The following ANKRD33B variants were observed in gnomAD, a reference collection of about 807,000 sequenced individuals.
ANKRD33B encodes the protein ankyrin repeat domain-containing protein 33B.
Under a neutral mutation model 21.5 loss-of-function variants are expected in ANKRD33B, and 6 were observed. That is an observed-to-expected ratio of 0.28 (90% CI 0.15 to 0.55). ANKRD33B has a LOEUF of 0.55. Ranked by LOEUF, ANKRD33B falls within the 20% of genes least tolerant of loss-of-function variation. The pLI is 0.94. For synonymous variants in ANKRD33B, 347 were observed against 342.4 expected (o/e 1.01, Z -0.15); for missense variants, 698 against 747.2 (o/e 0.93, Z 0.77).
intron 2 of ANKRD33B, among the ~76,000 whole-genome samples, chr5:10,630,870 C>CAAATAAAAA (rs1736693849): frequency 8.4e-6 from 1 of 119,116 alleles, no homozygotes; most frequent in Admixed American, 8.5e-5. Flanking sequence ...GAGACTGTGT[C>CAAATAAAAA]AAAAAAAAAA....
At chr5:10,575,777 A>G (rs1286583748) in intron 1 of ANKRD33B, among the ~76,000 whole-genome samples, 1 of 152,206 alleles carries the variant, frequency 6.6e-6, no homozygotes, top group Non-Finnish European at 1.5e-5. Flanking sequence ...GTATGCTTCC[A>G]TTGACGTCAC....
At chr5:10,585,348 C>T (rs1267166162) in intron 1 of ANKRD33B, among the ~76,000 whole-genome samples, 1 of 152,194 alleles carries the variant, frequency 6.6e-6, no homozygotes, top group East Asian at 1.9e-4. Context: ...AGAGCTGGAA[C>T]CTGAGGTCCC....
At chr5:10,590,319 G>A (rs1369759086) in intron 1 of ANKRD33B, among the ~76,000 whole-genome samples, 1 of 152,212 alleles carries the variant, frequency 6.6e-6, no homozygotes, top group Non-Finnish European at 1.5e-5. Flanking sequence ...TGTCCAGGGA[G>A]GATTTAGTTT....
At chr5:10,594,719 G>T (rs1560967897) in intron 1 of ANKRD33B, among the ~76,000 whole-genome samples, 1 of 152,138 alleles carries the variant, frequency 6.6e-6, no homozygotes, top group Non-Finnish European at 1.5e-5. Context: ...AGAAAATGAG[G>T]TAACAGGAAA....
chr5:10,570,100 C>A (rs962646615), intron 1 of ANKRD33B, among the ~76,000 whole-genome samples: 2 of 152,134 alleles, frequency 1.3e-5, no homozygotes, highest in African/African-American at 4.8e-5. Context: ...TGGTCTCGAA[C>A]TCCTGAGCTC....
intron 3 of ANKRD33B, among the ~76,000 whole-genome samples, chr5:10,647,431 G>A (rs1382957340): frequency 6.6e-6 from 1 of 152,186 alleles, no homozygotes; most frequent in African/African-American, 2.4e-5. Context: ...TTAACAGTAT[G>A]TGGGACTGAG....
chr5:10,567,190 G>C (rs1225711088), intron 1 of ANKRD33B, among the ~76,000 whole-genome samples: 1 of 152,188 alleles, frequency 6.6e-6, no homozygotes, highest in East Asian at 1.9e-4. Context: ...CCAGTGGGGG[G>C]AGCGAGGCAG....
Position 10,640,074 on chromosome 5 carries a change from A to G in ANKRD33B, c.637+1906A>G, listed in dbSNP as rs1375126831. Among the ~76,000 whole-genome samples, 10 of 98,344 alleles carry G rather than the reference A, an allele frequency of 1.0e-4. 2 individuals are homozygous for G. The highest frequency in any genetic ancestry group is 9.7e-4 in the Admixed American group (10 of 10,334). 64.5% of individuals were successfully genotyped at this position (98,344 alleles called of 152,430 possible). A position where few individuals can be genotyped will look rare whatever the true frequency, so the allele number is the denominator to read the frequency against. On this transcript the variant is annotated intron_variant, in intron 3 of 3. Coordinates refer to ENST00000296657, the MANE Select transcript of ANKRD33B (RefSeq NM_001164440.2). ...ACGGTGATGTTAGGCGGTGACGTGG[A>G]GTTGCGTGGTAATGTTAGCGGGTGA... is the stretch of plus-strand genomic sequence containing the variant.
At chr5:10,569,977 A>G (rs922322631) in intron 1 of ANKRD33B, among the ~76,000 whole-genome samples, 2 of 152,124 alleles carry the variant, frequency 1.3e-5, no homozygotes, top group African/African-American at 4.8e-5. Context: ...CCCAGGTTCA[A>G]GCGATTCTCC....
At chr5:10,597,584 A>G (rs1173423343) in intron 1 of ANKRD33B, among the ~76,000 whole-genome samples, 5 of 152,194 alleles carry the variant, frequency 3.3e-5, no homozygotes, top group Admixed American at 6.5e-5. Context: ...CTCCCACACA[A>G]TAATAATGGG....
rs1735287732 is a variant in ANKRD33B, at chr5:10,575,112, A to G, written c.366+10279A>G. Reference sequence around the variant, plus strand: ...CCAAGAAACAAACAAACAAACAAACAAACAATTCTCACTTAAGAGTCTTGC... The same window carrying G: ...CCAAGAAACAAACAAACAAACAAACGAACAATTCTCACTTAAGAGTCTTGC... On this transcript the variant is annotated intron_variant, in intron 1 of 3. Coordinates refer to ENST00000296657, the MANE Select transcript of ANKRD33B (RefSeq NM_001164440.2). Among the ~76,000 whole-genome samples, 2 of 36,932 alleles carry G rather than the reference A, an allele frequency of 5.4e-5. 1 individual carries two copies. 24.2% of individuals were successfully genotyped at this position (36,932 alleles called of 152,430 possible).
chr5:10,642,565 CCA>C (rs564052641), intron 3 of ANKRD33B, among the ~76,000 whole-genome samples: 1 of 152,200 alleles, frequency 6.6e-6, no homozygotes, highest in Non-Finnish European at 1.5e-5. Context: ...TCTCTGGGCC[CCA>C]GTTTCCTCTT....
Position 10,651,425 on chromosome 5 carries a change from A to T in ANKRD33B, c.*1312A>T, listed in dbSNP as rs1737354039. Reference sequence around the variant, plus strand: ...AAGTGACATGGAGATCACTTTTCTCAGTGATCAAATTTGAATTTATCAAAG... The same window carrying T: ...AAGTGACATGGAGATCACTTTTCTCTGTGATCAAATTTGAATTTATCAAAG... On this transcript the variant is annotated 3_prime_UTR_variant, in exon 4 of 4. Transcript: ENST00000296657. The T allele has an allele frequency of 6.6e-6, 1 of 152,110 alleles. No individual in the cohort carries two copies. The highest frequency in any genetic ancestry group is 6.6e-5 in the Admixed American group (1 of 15,262). 9.4% of individuals were successfully genotyped at this position (152,110 alleles called of 1,614,324 possible). A position where few individuals can be genotyped will look rare whatever the true frequency, so the allele number is the denominator to read the frequency against.
intron 3 of ANKRD33B, among the ~76,000 whole-genome samples, chr5:10,643,201 C>T (rs1737104900): frequency 6.6e-6 from 1 of 152,034 alleles, no homozygotes; most frequent in African/African-American, 2.4e-5. Context: ...CCGCACCTGG[C>T]CAGGGGTTTC....
At chr5:10,603,037 C>T (rs926642586) in intron 1 of ANKRD33B, among the ~76,000 whole-genome samples, 18 of 151,790 alleles carry the variant, frequency 1.2e-4, no homozygotes, top group South Asian at 2.1e-4. Context: ...TGGTCTCGAG[C>T]TTCTGAGCTC....
chr5:10,628,389 C>T (rs1369960721), intron 2 of ANKRD33B, among the ~76,000 whole-genome samples: 2 of 152,170 alleles, frequency 1.3e-5, no homozygotes, highest in Non-Finnish European at 2.9e-5. Flanking sequence ...ACCATGTTGG[C>T]CAGGCTGGTA....
chr5:10,594,269 GC>G (rs1263140499), intron 1 of ANKRD33B, among the ~76,000 whole-genome samples: 3 of 73,176 alleles, frequency 4.1e-5, no homozygotes, highest in African/African-American at 1.6e-4. Context: ...TGCTCTTGTT[GC>G]CCAGGCTGGA....
intron 2 of ANKRD33B, 101 bp from the exon 3 acceptor site, chr5:10,637,927 G>T: frequency 1.1e-5 from 15 of 1,369,328 alleles, no homozygotes; most frequent in Non-Finnish European, 1.5e-5. Flanking sequence ...GGCTGGCCCA[G>T]GGCTGACTCA....
intron 1 of ANKRD33B, among the ~76,000 whole-genome samples, chr5:10,574,633 C>T (rs573003767): frequency 6.6e-6 from 1 of 152,216 alleles, no homozygotes; most frequent in African/African-American, 2.4e-5. Context: ...AGGACAAAAG[C>T]TGATTCTCTG....
Sources: gnomAD v4.1 joint callset for allele counts (sites outside exome capture counted in the v4.1 genomes callset) on GRCh38, gnomAD v4.1.1 for gene constraint, MANE v1.5 for transcripts, NCBI Gene and HGNC (gene_info 2026-07-23, HGNC 2026-07-21) for gene names.